Variants in MIR2052HG observed in about 807,000 individuals in gnomAD.
The protein encoded by MIR2052HG is MIR2052 host gene.
At position 74,616,774 on chromosome 8, in the gene MIR2052HG, T is replaced by C. The variant is rs372467301; in HGVS notation, n.216+3834T>C. 1.7e-4 allele frequency among the ~76,000 whole-genome samples: 26 copies of C among 152,256 alleles called. No homozygotes were observed. In the East Asian group the frequency reaches 3.1e-3, roughly 18 times the overall value. ...CTTAAACCTACCTGACTCAGGCTTT[T>C]GACCCATCACAGCACCAAAACTGTT... On this transcript the variant is annotated intron_variant and non_coding_transcript_variant, in intron 2 of 6. Transcript: ENST00000523442.
intron 2 of MIR2052HG, among the ~76,000 whole-genome samples, chr8:74,656,670 AGGGCCATGTGATAGAGTT>A (rs1036402434): frequency 2.6e-5 from 4 of 152,152 alleles, no homozygotes; most frequent in African/African-American, 7.2e-5. Context: ...GGACTAACAC[AGGGCCATGTGATAGAGTT>A]GGACCAGGAG....
chr8:74,625,095 G>T (rs1439835099), intron 2 of MIR2052HG, among the ~76,000 whole-genome samples: 1 of 151,826 alleles, frequency 6.6e-6, no homozygotes, highest in Non-Finnish European at 1.5e-5. Flanking sequence ...GTCTTGCTCT[G>T]TTGCTCAGGT....
intron 2 of MIR2052HG, among the ~76,000 whole-genome samples, chr8:74,620,003 G>A (rs1045478591): frequency 6.6e-6 from 1 of 152,138 alleles, no homozygotes; most frequent in African/African-American, 2.4e-5. Context: ...GATACAATGG[G>A]GATACAGGTA....
chr8:74,634,775 G>T (rs186412481), intron 2 of MIR2052HG, among the ~76,000 whole-genome samples: 76 of 152,076 alleles, frequency 5.0e-4, no homozygotes, highest in Admixed American at 2.4e-3. Context: ...TACTTCATAG[G>T]TATCGCAAGA....
intron 2 of MIR2052HG, among the ~76,000 whole-genome samples, chr8:74,639,006 A>G (rs1222897668): frequency 2.0e-5 from 3 of 152,218 alleles, no homozygotes; most frequent in Non-Finnish European, 2.9e-5. Context: ...GGAATGAGCT[A>G]CCAATAGCAA....
intron 2 of MIR2052HG, among the ~76,000 whole-genome samples, chr8:74,686,998 G>A (rs974995034): frequency 3.3e-5 from 5 of 152,098 alleles, no homozygotes; most frequent in Admixed American, 3.3e-4. Flanking sequence ...CTGTATCACA[G>A]CTAAAAATGG....
chr8:74,758,184 T>C (rs972240514), intron 6 of MIR2052HG: 10 of 152,190 alleles, frequency 6.6e-5, no homozygotes, highest in African/African-American at 2.4e-4. Flanking sequence ...CTGTCTCTAT[T>C]GCTTTAATTT....
intron 2 of MIR2052HG, among the ~76,000 whole-genome samples, chr8:74,630,774 G>C (rs7836531): frequency 0.013 from 1,929 of 152,208 alleles, 41 homozygotes; most frequent in African/African-American, 0.043. Context: ...ACAACAAGAA[G>C]AGTGGAAAGT....
chr8:74,706,348 G>A (rs1425046508), intron 4 of MIR2052HG, among the ~76,000 whole-genome samples: 1 of 152,060 alleles, frequency 6.6e-6, no homozygotes, highest in Admixed American at 6.6e-5. Flanking sequence ...AAATCTCCAT[G>A]AGCAACCCCC....
chr8:74,641,599 G>T (rs1455474351), intron 2 of MIR2052HG, among the ~76,000 whole-genome samples: 1 of 151,820 alleles, frequency 6.6e-6, no homozygotes, highest in Non-Finnish European at 1.5e-5. Flanking sequence ...AATAGATTGT[G>T]GTCCATTTTT....
In MIR2052HG at chr8:74,622,891, G is replaced by A. The variant is rs150704094; in HGVS notation, n.216+9951G>A. ...GCAACAATATGGATGAACCTGGAGA[G>A]CATTACCTTAAGTGAAATAAGCCAG... On this transcript the variant is annotated intron_variant and non_coding_transcript_variant, in intron 2 of 6. Coordinates refer to ENST00000523442, the Ensembl canonical transcript of MIR2052HG. Among the ~76,000 whole-genome samples the A allele has an allele frequency of 5.7e-3, 868 of 151,880 alleles. 3 individuals are homozygous for A. The highest frequency in any genetic ancestry group is 0.051 in the Middle Eastern group (15 of 294).
At chr8:74,660,261 C>G (rs1450648249) in intron 2 of MIR2052HG, among the ~76,000 whole-genome samples, 1 of 152,162 alleles carries the variant, frequency 6.6e-6, no homozygotes, top group Admixed American at 6.6e-5. Flanking sequence ...ACTGAGCTTA[C>G]TTTATTATTT....
At chr8:74,723,536 T>C (rs1004987778) in intron 4 of MIR2052HG, among the ~76,000 whole-genome samples, 4 of 152,160 alleles carry the variant, frequency 2.6e-5, no homozygotes, top group Admixed American at 1.3e-4. Context: ...TATTTTTTTT[T>C]TTCCATGAGG....
intron 1 of MIR2052HG, chr8:74,612,454 C>T (rs1365575774): frequency 6.0e-6 from 1 of 167,020 alleles, no homozygotes; most frequent in Non-Finnish European, 1.3e-5. Context: ...ACTGACATAC[C>T]TTAGCTTGGG....
chr8:74,619,038 A>G lies in MIR2052HG; in HGVS notation n.216+6098A>G, dbSNP rs189862107. The stretch of plus-strand genomic sequence containing the variant: ...GAAAACAATCCCATTTAGAACAGCT[A>G]CAAAAAGTACTTAGGAATAAATTTT... On this transcript the variant is annotated intron_variant and non_coding_transcript_variant, in intron 2 of 6. Coordinates refer to ENST00000523442, the Ensembl canonical transcript of MIR2052HG. 9.8e-5 allele frequency among the ~76,000 whole-genome samples: 15 copies of G among 152,358 alleles called. No homozygotes were observed. In the East Asian group the frequency reaches 2.7e-3, roughly 27 times the overall value.
chr8:74,608,729 T>G (rs1354849159), intron 1 of MIR2052HG, among the ~76,000 whole-genome samples: 2 of 152,052 alleles, frequency 1.3e-5, no homozygotes, highest in East Asian at 3.9e-4. Context: ...AAGAAAGGAA[T>G]GTAGAAAATA....
chr8:74,696,983 T>C (rs1045213248), intron 2 of MIR2052HG, among the ~76,000 whole-genome samples: 5 of 151,586 alleles, frequency 3.3e-5, no homozygotes, highest in African/African-American at 4.8e-5. Flanking sequence ...TAATGATAAA[T>C]CATTATCACC....
rs150862226 is a variant in MIR2052HG, at chr8:74,659,918, A to G, written n.217-42461A>G. ...ATTTTCTTCTATTTTAATATGAGGA[A>G]TGGCACAATTTTTGTTTTTTGTTTT... is the stretch of plus-strand genomic sequence containing the variant. On this transcript the variant is annotated intron_variant and non_coding_transcript_variant, in intron 2 of 6. Transcript: ENST00000523442. Among the ~76,000 whole-genome samples, 144 of 152,318 alleles carry G rather than the reference A, an allele frequency of 9.5e-4. 1 individual carries two copies. Among genetic ancestry groups the G allele is most frequent in the Non-Finnish European group, 1.7e-3 (117 of 68,020 alleles).
At chr8:74,673,240 T>A (rs1809012326) in intron 2 of MIR2052HG, among the ~76,000 whole-genome samples, 1 of 152,042 alleles carries the variant, frequency 6.6e-6, no homozygotes, top group South Asian at 2.1e-4. Flanking sequence ...ACAATAATCA[T>A]AAGGAACAGC....
Sources: allele counts gnomAD v4.1 joint callset (sites outside exome capture counted in the v4.1 genomes callset), GRCh38; gene constraint gnomAD v4.1.1; transcripts MANE v1.5; gene names NCBI Gene and HGNC (gene_info 2026-07-23, HGNC 2026-07-21).